Variants in KCNH1 observed in about 807,000 individuals in gnomAD.
The protein encoded by KCNH1 is voltage-gated delayed rectifier potassium channel KCNH1.
A neutral mutation model predicts 69.2 loss-of-function variants in KCNH1; 27 were observed. The observed-to-expected ratio is 0.39, with a 90% CI of 0.29 to 0.54. The LOEUF is 0.54. Ranked by LOEUF, KCNH1 falls within the 20% of genes least tolerant of loss-of-function variation. KCNH1 has a pLI of 0.68. For synonymous variants in KCNH1, 456 were observed against 487.7 expected, an observed-to-expected ratio of 0.93 and a Z score of 0.86; for missense variants, 798 against 1,261.6, an observed-to-expected ratio of 0.63 and a Z score of 5.57.
At chr1:210,744,739 T>G (rs1215908735) in intron 10 of KCNH1, among the ~76,000 whole-genome samples, 3 of 152,050 alleles carry the variant, frequency 2.0e-5, no homozygotes, top group Non-Finnish European at 4.4e-5. Context: ...GGGTCATGAA[T>G]TTACCTTTTT....
chr1:211,031,236 T>C (rs945285869), intron 5 of KCNH1, among the ~76,000 whole-genome samples: 1 of 152,084 alleles, frequency 6.6e-6, no homozygotes, highest in Admixed American at 6.5e-5. Flanking sequence ...GACTCTGAAA[T>C]TGAGGCAATA....
At chr1:210,766,589 A>C (rs1777264) in intron 10 of KCNH1, among the ~76,000 whole-genome samples, 36,209 of 152,048 alleles carry the variant, frequency 0.24, 4,762 homozygotes, top group African/African-American at 0.36. Flanking sequence ...ATTAAAAGAC[A>C]AGGGGCTTCA....
chr1:210,964,378 A>G (rs186376706), intron 6 of KCNH1, among the ~76,000 whole-genome samples: 2 of 152,322 alleles, frequency 1.3e-5, no homozygotes, highest in African/African-American at 4.8e-5. Flanking sequence ...AACTGCATCA[A>G]TTAACAGGCA....
At chr1:210,753,346 G>C (rs1683322855) in intron 10 of KCNH1, among the ~76,000 whole-genome samples, 1 of 152,114 alleles carries the variant, frequency 6.6e-6, no homozygotes, top group Admixed American at 6.6e-5. Flanking sequence ...GACAATACAG[G>C]ACACACACAA....
At chr1:211,018,672 T>A (rs1689537213) in intron 6 of KCNH1, 111 bp downstream of exon 6, 1 of 882,362 alleles carries the variant, frequency 1.1e-6, no homozygotes, top group African/African-American at 1.7e-5. Flanking sequence ...CCCTCTGTTC[T>A]GGACATCAGT....
At chr1:210,804,337 G>A (rs1359608755) in intron 7 of KCNH1, among the ~76,000 whole-genome samples, 171 bp from the exon 8 acceptor site, 2 of 152,140 alleles carry the variant, frequency 1.3e-5, no homozygotes, top group Non-Finnish European at 2.9e-5. Flanking sequence ...GCTTCTGGGG[G>A]CATGGATGCA....
intron 5 of KCNH1, among the ~76,000 whole-genome samples, chr1:211,075,873 C>T (rs1467143780): frequency 6.6e-6 from 1 of 152,228 alleles, no homozygotes; most frequent in Non-Finnish European, 1.5e-5. Context: ...GGGATACTCC[C>T]ACCCAAATAC....
chr1:211,077,258 A>G (rs1235026507), intron 5 of KCNH1, among the ~76,000 whole-genome samples: 1 of 152,102 alleles, frequency 6.6e-6, no homozygotes, highest in Non-Finnish European at 1.5e-5. Flanking sequence ...AAATACGGAG[A>G]ACTCCACAGA....
chr1:210,902,899 T>C (rs1687025382), intron 7 of KCNH1, among the ~76,000 whole-genome samples: 1 of 152,194 alleles, frequency 6.6e-6, no homozygotes, highest in Non-Finnish European at 1.5e-5. Context: ...TAAAATAATA[T>C]TCCTTGCTTA....
intron 9 of KCNH1, among the ~76,000 whole-genome samples, chr1:210,788,830 G>GT (rs1684158713): frequency 6.7e-6 from 1 of 148,384 alleles, no homozygotes; most frequent in African/African-American, 2.5e-5. Context: ...CCAAGTAGCT[G>GT]GGACTACAGG....
chr1:211,030,450 C>A (rs1689761980), intron 5 of KCNH1, among the ~76,000 whole-genome samples: 2 of 152,056 alleles, frequency 1.3e-5, no homozygotes, highest in Admixed American at 1.3e-4. Context: ...CAGAAATAGA[C>A]CCATACAAAT....
At chr1:210,740,216 A>G (rs989565182) in intron 10 of KCNH1, among the ~76,000 whole-genome samples, 1 of 152,218 alleles carries the variant, frequency 6.6e-6, no homozygotes, top group African/African-American at 2.4e-5. Context: ...ATTTCCATCA[A>G]TACATTCAAA....
intron 5 of KCNH1, among the ~76,000 whole-genome samples, chr1:211,034,588 C>T (rs186882218): frequency 5.8e-4 from 89 of 152,166 alleles, no homozygotes; most frequent in Admixed American, 5.3e-3. Context: ...GGGTAAAAGG[C>T]CCATGGGGTC....
intron 10 of KCNH1, among the ~76,000 whole-genome samples, chr1:210,742,816 C>T (rs1186217076): frequency 6.6e-6 from 1 of 151,974 alleles, no homozygotes; most frequent in African/African-American, 2.4e-5. Flanking sequence ...AAGTTACGAA[C>T]GAGGAGGCTC....
intron 6 of KCNH1, among the ~76,000 whole-genome samples, chr1:210,976,854 G>A (rs1301935740): frequency 6.7e-6 from 1 of 148,528 alleles, no homozygotes; most frequent in Non-Finnish European, 1.5e-5. Flanking sequence ...TTACACTGTT[G>A]GTGGGACTGT....
In KCNH1 at chr1:210,919,362, T is replaced by G. The variant is rs1328660219; in HGVS notation, c.1462+278A>C. On this transcript the variant is annotated intron_variant, in intron 7 of 10. Coordinates refer to ENST00000271751, the MANE Select transcript of KCNH1 (RefSeq NM_172362.3). This position sits in a 1 kb window ranked among gnomAD's most constrained non-coding sequence, Gnocchi z 4.2. ...GTATTCAGATATGCAAAGAAAATAGTCTGTAAGAGAAGACACCAACAGTAT... is the reference window on the plus strand; with the variant it reads ...GTATTCAGATATGCAAAGAAAATAGGCTGTAAGAGAAGACACCAACAGTAT... 1 of 362,910 alleles carries G rather than the reference T, an allele frequency of 2.8e-6. No individual in the cohort carries two copies. The highest frequency in any genetic ancestry group is 5.6e-5 in the South Asian group (1 of 17,702). The allele number at this position is 362,910 out of a possible 1,614,324, so 22.5% of individuals were successfully genotyped here.
intron 6 of KCNH1, among the ~76,000 whole-genome samples, chr1:210,941,485 A>G (rs1687874334): frequency 6.6e-6 from 1 of 152,190 alleles, no homozygotes; most frequent in Admixed American, 6.5e-5. Flanking sequence ...CTGGTATGCT[A>G]AAGTACAGGC....
intron 6 of KCNH1, among the ~76,000 whole-genome samples, chr1:211,002,338 GTATATATATATA>G (rs112118983): frequency 2.3e-5 from 2 of 87,820 alleles, no homozygotes; most frequent in East Asian, 4.4e-4. Flanking sequence ...GTGTGTGTGT[GTATATATATATA>G]TATACACACA....
intron 9 of KCNH1, among the ~76,000 whole-genome samples, chr1:210,791,406 C>G (rs1252677783): frequency 6.6e-6 from 1 of 152,184 alleles, no homozygotes; most frequent in Admixed American, 6.5e-5. Flanking sequence ...GCACAAGTTT[C>G]CCAGCTGAGT....
Sources: gnomAD v4.1 joint callset for allele counts (sites outside exome capture counted in the v4.1 genomes callset) on GRCh38, gnomAD v4.1.1 for gene constraint, Gnocchi (gnomAD v3.1) non-coding constraint, MANE v1.5 for transcripts, NCBI Gene and HGNC (gene_info 2026-07-23, HGNC 2026-07-21) for gene names.